Variants in ZC3H7B observed in about 807,000 individuals in gnomAD.
ZC3H7B encodes the protein zinc finger CCCH-type containing 7B, also known as zinc finger CCCH domain-containing protein 7B.
A neutral mutation model predicts 116.0 loss-of-function variants in ZC3H7B; 35 were observed. The observed-to-expected ratio is 0.30, with a 90% CI of 0.23 to 0.40. The LOEUF is 0.40. Ranked by LOEUF, ZC3H7B falls within the 10% of genes least tolerant of loss-of-function variation. The pLI, the probability that ZC3H7B is intolerant of heterozygous loss-of-function variation, is 1.00. For synonymous variants in ZC3H7B, 502 were observed against 545.6 expected (o/e 0.92, Z 1.11); for missense variants, 1,011 against 1,321.5 (o/e 0.77, Z 3.64).
chr22:41,348,017 C>T (rs765636873), intron 14 of ZC3H7B, 50 bp from the exon 15 acceptor site: 16 of 1,536,982 alleles, frequency 1.0e-5, no homozygotes, highest in Admixed American at 6.7e-5. Context: ...CCAGCTCACC[C>T]CCTTCCCAGG....
intron 1 of ZC3H7B, among the ~76,000 whole-genome samples, chr22:41,316,925 C>T (rs1416259400): frequency 6.6e-6 from 1 of 152,288 alleles, no homozygotes; most frequent in Middle Eastern, 3.4e-3. Flanking sequence ...TCACTACAAC[C>T]TCTGCCTCCT....
intron 17 of ZC3H7B, among the ~76,000 whole-genome samples, chr22:41,353,894 CA>C (rs2036682801): frequency 6.6e-6 from 1 of 152,196 alleles, no homozygotes; most frequent in Non-Finnish European, 1.5e-5. Context: ...TCCTTCTGGC[CA>C]GGAGCCTGGC....
Position 41,349,131 on chromosome 22 carries a change from A to G in ZC3H7B, c.1778A>G (p.His593Arg). The change falls in exon 16 of 23, where the codon CAC becomes CGC. Residue 593 changes from histidine (H) to arginine (R), a missense_variant. By Grantham distance (29) the His-to-Arg change is conservative. Around this residue, in one of 5 missense-constraint regions of ZC3H7B, gnomAD observed 406 missense variants for 590.2 expected, o/e 0.69. Coordinates refer to ENST00000352645, the MANE Select transcript of ZC3H7B (RefSeq NM_017590.6). This position sits in a 1 kb window ranked among gnomAD's most constrained non-coding sequence, Gnocchi z 4.9. ...TGCCCGCCCGCCAGGTGCCTGGTGC[A>G]CATCGTCCGCTCCACCTCCCTCAAG... ...HSFYNNKCLVHIVRSTSLKYS... is the reference protein window; with the variant it reads ...HSFYNNKCLVRIVRSTSLKYS... The G allele has an allele frequency of 6.2e-7, 1 of 1,613,614 alleles. No individual in the cohort carries two copies. The highest frequency in any genetic ancestry group is 8.5e-7 in the Non-Finnish European group (1 of 1,179,974).
In ZC3H7B at chr22:41,332,245, C is replaced by T. The variant is rs766714797; in HGVS notation, c.582+18C>T. ...CAGATCAGGTAGGATCGGGGCTGAA[C>T]CAACCTGTCTCAGTTTATCCATTAT... On this transcript the variant is annotated intron_variant, in intron 7 of 22. Transcript: ENST00000352645. 25 of 1,613,912 alleles carry T rather than the reference C, an allele frequency of 1.5e-5. No individual in the cohort carries two copies. In the East Asian group the frequency reaches 5.1e-4, roughly 33 times the overall value.
rs12170305 is a variant in ZC3H7B at position 41,346,279 on chromosome 22, G to A, written c.1665+71G>A. The A allele has an allele frequency of 0.048, 73,638 of 1,538,262 alleles. 2,035 individuals are homozygous for A. The highest frequency in any genetic ancestry group is 0.056 in the Non-Finnish European group (63,861 of 1,138,068). On this transcript the variant is annotated intron_variant, in intron 14 of 22. Transcript: ENST00000352645. The surrounding 1 kb of genome is among the most constrained non-coding windows in gnomAD (Gnocchi z 5.3). The stretch of plus-strand genomic sequence containing the variant: ...CAGGGCTGGGGATGCTCCCTGGCAC[G>A]GACCACCATAGGAAGTCAGCCCTGG...
chr22:41,333,599 C>T (rs1428260280), intron 7 of ZC3H7B: 1 of 152,134 alleles, frequency 6.6e-6, no homozygotes, highest in African/African-American at 2.4e-5. Flanking sequence ...ACACTCCAGC[C>T]TGAGAGACAG....
rs75949921 is a variant in ZC3H7B, at chr22:41,344,327, C to T, written c.1459+751C>T. 8.2e-3 allele frequency among the ~76,000 whole-genome samples: 1,248 copies of T among 152,306 alleles called. 20 individuals are homozygous for T. The highest frequency in any genetic ancestry group is 0.029 in the African/African-American group (1,203 of 41,558). ...TTGTCCTCCCAGCAGCCAGGCTGGTCTAAGGACATGTCACTCTTGGGTCAA... is the reference window on the plus strand; with the variant it reads ...TTGTCCTCCCAGCAGCCAGGCTGGTTTAAGGACATGTCACTCTTGGGTCAA... On this transcript the variant is annotated intron_variant, in intron 13 of 22. Transcript: ENST00000352645.
At chr22:41,337,806 C>T (rs1175364365) in intron 7 of ZC3H7B, among the ~76,000 whole-genome samples, 2 of 151,882 alleles carry the variant, frequency 1.3e-5, no homozygotes, top group African/African-American at 4.8e-5. Flanking sequence ...ATGCCCCCAC[C>T]TGCTGGCCCA....
Position 41,339,769 on chromosome 22 carries a change from G to T in ZC3H7B, c.817-47G>T, listed in dbSNP as rs775095593. On this transcript the variant is annotated intron_variant, in intron 9 of 22. Coordinates refer to ENST00000352645, the MANE Select transcript of ZC3H7B (RefSeq NM_017590.6). ...CAAGTCCTGATGCTGCCCAGGCCTG[G>T]GCAGTCCTGTTTTCCTCTGACCCCT... 15 of 1,531,988 alleles carry T rather than the reference G, an allele frequency of 9.8e-6. No homozygotes were observed. In the East Asian group the frequency reaches 3.4e-4, roughly 35 times the overall value. 94.9% of individuals were successfully genotyped at this position (1,531,988 alleles called of 1,614,324 possible). A position where few individuals can be genotyped will look rare whatever the true frequency, so the allele number is the denominator to read the frequency against.
chr22:41,331,575 AGAGAG>A (rs1408865462), intron 6 of ZC3H7B, among the ~76,000 whole-genome samples: 51 of 147,578 alleles, frequency 3.5e-4, no homozygotes, highest in South Asian at 3.2e-3. Flanking sequence ...AAAAAAAAAA[AGAGAG>A]AGCAAATGGG....
At chr22:41,316,784 C>T (rs908950565) in intron 1 of ZC3H7B, among the ~76,000 whole-genome samples, 1 of 152,072 alleles carries the variant, frequency 6.6e-6, no homozygotes, top group African/African-American at 2.4e-5. Flanking sequence ...AAGCGATTCT[C>T]CTGCCTTAGC....
Position 41,346,186 on chromosome 22 carries a change from G to A in ZC3H7B, c.1643G>A (p.Gly548Asp), listed in dbSNP as rs1352153172. Residue 548 changes from glycine to aspartate, a missense_variant, in exon 14 of 23, where the codon GGC (glycine) becomes GAC (aspartate). Physicochemically the swap from Gly to Asp is moderately conservative, Grantham distance 94 (BLOSUM62 -1). This residue lies in a region of ZC3H7B where 406 missense variants were observed against 590.2 expected (regional missense o/e 0.69). Transcript: ENST00000352645. This position sits in a 1 kb window ranked among gnomAD's most constrained non-coding sequence, Gnocchi z 5.3. ...GCCAAGCTCCTGAAGGAGCACCAGG[G>A]CATCTTCACCTTCCTCTGCGAGGTA... is the stretch of plus-strand genomic sequence containing the variant. ...TIAKLLKEHQ[G>D]IFTFLCEICF... The A allele has an allele frequency of 6.2e-7, 1 of 1,611,384 alleles. No homozygotes were observed. The highest frequency in any genetic ancestry group is 8.5e-7 in the Non-Finnish European group (1 of 1,179,870).
At chr22:41,317,832 G>A (rs5758292) in intron 1 of ZC3H7B, among the ~76,000 whole-genome samples, 4 of 152,048 alleles carry the variant, frequency 2.6e-5, no homozygotes. Flanking sequence ...TGGGCTGTTA[G>A]GTGCCTGTAG....
chr22:41,312,237 C>T (rs914657254), intron 1 of ZC3H7B, among the ~76,000 whole-genome samples: 6 of 151,110 alleles, frequency 4.0e-5, no homozygotes, highest in Admixed American at 2.0e-4. Context: ...GAGGCTGAGG[C>T]GGGCAGATCA....
intron 7 of ZC3H7B, chr22:41,334,881 T>C (rs1324887987): frequency 2.0e-5 from 3 of 152,222 alleles, no homozygotes; most frequent in Non-Finnish European, 4.4e-5. Context: ...TCTTATGACC[T>C]AGGAGCCAGG....
chr22:41,347,669 C>G (rs2036604178), intron 14 of ZC3H7B, among the ~76,000 whole-genome samples: 1 of 152,214 alleles, frequency 6.6e-6, no homozygotes, highest in South Asian at 2.1e-4. Context: ...CAGCCCTTCC[C>G]CTAGCTCTTC....
rs2036731337 is a variant in ZC3H7B, at chr22:41,357,065, A to G, written c.2682-112A>G. Reference sequence around the variant, plus strand: ...CCAGGTTTTCCCTGAGCTGGGACCCAGCTGCCCAGGGAGAGGCTTGTCTTC... The same window carrying G: ...CCAGGTTTTCCCTGAGCTGGGACCCGGCTGCCCAGGGAGAGGCTTGTCTTC... On this transcript the variant is annotated intron_variant, in intron 22 of 22. Transcript: ENST00000352645. This position sits in a 1 kb window ranked among gnomAD's most constrained non-coding sequence, Gnocchi z 5.4. 2 of 1,510,256 alleles carry G rather than the reference A, an allele frequency of 1.3e-6. No individual in the cohort carries two copies. Among genetic ancestry groups the G allele is most frequent in the African/African-American group, 1.4e-5 (1 of 72,642 alleles). The allele number at this position is 1,510,256 out of a possible 1,614,324, so 93.6% of individuals were successfully genotyped here.
intron 17 of ZC3H7B, among the ~76,000 whole-genome samples, chr22:41,352,309 C>T (rs1381980383): frequency 1.3e-5 from 2 of 152,206 alleles, no homozygotes; most frequent in Non-Finnish European, 2.9e-5. Context: ...GATGCGTCAT[C>T]TCAGTGTGTC....
rs2036763655 is a variant in ZC3H7B at position 41,359,724 on chromosome 22, G to A, written c.*2295G>A. The A allele has an allele frequency of 6.6e-6, 1 of 152,382 alleles. No individual in the cohort carries two copies. The highest frequency in any genetic ancestry group is 1.5e-5 in the Non-Finnish European group (1 of 68,154). The allele number at this position is 152,382 out of a possible 1,614,324, so 9.4% of individuals were successfully genotyped here. A position where few individuals can be genotyped will look rare whatever the true frequency, so the allele number is the denominator to read the frequency against. ...AGAGCTGGAGCCCCCACAGGGTAAGGAAGAGAGAGTGGGAGGCAGAGTGTG... is the reference window on the plus strand; with the variant it reads ...AGAGCTGGAGCCCCCACAGGGTAAGAAAGAGAGAGTGGGAGGCAGAGTGTG... On this transcript the variant is annotated 3_prime_UTR_variant, in exon 23 of 23. Transcript: ENST00000352645.
Sources: allele counts gnomAD v4.1 joint callset (sites outside exome capture counted in the v4.1 genomes callset), GRCh38; gene constraint gnomAD v4.1.1; regional missense constraint gnomAD v4.1.1; non-coding constraint Gnocchi (gnomAD v3.1); transcripts MANE v1.5; gene names NCBI Gene and HGNC (gene_info 2026-07-23, HGNC 2026-07-21).